SHANK2: variants seen among roughly 807,000 people sequenced by gnomAD.
SHANK2 encodes SH3 and multiple ankyrin repeat domains protein 2.
In SHANK2, 43 loss-of-function variants were observed where a neutral mutation model predicts 133.7. The observed-to-expected ratio is 0.32, with a 90% CI of 0.25 to 0.41. The LOEUF (loss-of-function observed/expected upper bound fraction) is 0.41, where lower values mean the gene tolerates loss of function less well. Ranked by LOEUF, SHANK2 falls within the 10% of genes least tolerant of loss-of-function variation. SHANK2 has a pLI of 1.00. For missense variants in SHANK2, 1,994 were observed against 2,235.8 expected (o/e 0.89, Z 2.18); for synonymous variants, 1,017 against 952.8 (o/e 1.07, Z -1.24).
intron 14 of SHANK2, among the ~76,000 whole-genome samples, chr11:70,712,431 A>G (rs943260811): frequency 1.3e-5 from 2 of 152,106 alleles, no homozygotes; most frequent in Non-Finnish European, 2.9e-5. Flanking sequence ...CATAACCACA[A>G]AGAGACCATC....
chr11:70,702,664 C>A lies in SHANK2; in HGVS notation c.1778-3901G>T, dbSNP rs144700419. Among the ~76,000 whole-genome samples, 684 of 152,326 alleles carry A rather than the reference C, an allele frequency of 4.5e-3. 1 individual carries two copies. Among genetic ancestry groups the A allele is most frequent in the Non-Finnish European group, 5.6e-3 (378 of 68,036 alleles). On this transcript the variant is annotated intron_variant, in intron 14 of 25. Transcript: ENST00000601538. ...AGCAGAAGACACATTTATCTACTGT[C>A]AAGTGTGGAATGCTCTGCTAAATTA...
At chr11:70,937,465 G>A (rs1026764156) in intron 10 of SHANK2, among the ~76,000 whole-genome samples, 10 of 152,160 alleles carry the variant, frequency 6.6e-5, no homozygotes, top group African/African-American at 1.7e-4. Context: ...AAGTGACATC[G>A]TCAGCCCCCT....
Position 71,094,614 on chromosome 11 carries a change from G to A in SHANK2, c.667C>T (p.His223Tyr), listed in dbSNP as rs1555094969. ...VIKALKNGGAHLDFRAKDGMT... is the reference protein window; with the variant it reads ...VIKALKNGGAYLDFRAKDGMT... Reference sequence around the variant, plus strand: ...CCATCTTTGGCACGGAAGTCCAGGTGAGCTCCACCATTTTTGAGAGCTTTG... The same window carrying A: ...CCATCTTTGGCACGGAAGTCCAGGTAAGCTCCACCATTTTTGAGAGCTTTG... The change falls in exon 7 of 26, where the codon CAC (histidine) becomes TAC (tyrosine). Residue 223 changes from histidine to tyrosine, a missense_variant. Coordinates refer to ENST00000601538, the MANE Select transcript of SHANK2 (RefSeq NM_012309.5). 1 of 1,551,712 alleles carries A rather than the reference G, an allele frequency of 6.4e-7. No homozygotes were observed.
chr11:70,929,184 C>G (rs1235768077), intron 10 of SHANK2, among the ~76,000 whole-genome samples: 1 of 152,230 alleles, frequency 6.6e-6, no homozygotes, highest in Non-Finnish European at 1.5e-5. Flanking sequence ...AAGGAAGCCT[C>G]TGCTTTTGCA....
At chr11:70,743,786 T>C (rs537805061) in intron 14 of SHANK2, among the ~76,000 whole-genome samples, 12 of 152,302 alleles carry the variant, frequency 7.9e-5, no homozygotes, top group Middle Eastern at 6.8e-3. Context: ...ACATTCCCTG[T>C]CCACCAATTC....
intron 17 of SHANK2, among the ~76,000 whole-genome samples, chr11:70,506,476 T>C (rs1243653737): frequency 6.6e-6 from 1 of 152,202 alleles, no homozygotes; most frequent in East Asian, 1.9e-4. Flanking sequence ...GAAACATCAC[T>C]TGGCCTTCTC....
In SHANK2 at chr11:71,095,795, C is replaced by T. The variant is rs553172899; in HGVS notation, c.593-1107G>A. ...CCCTAGGAACCACTCTGCAGCTTGG[C>T]ACTTCATGGTGATATGCACATGCTT... On this transcript the variant is annotated intron_variant, in intron 6 of 25. Transcript: ENST00000601538. 9.2e-5 allele frequency among the ~76,000 whole-genome samples: 14 copies of T among 152,336 alleles called. No individual in the cohort carries two copies. The East Asian group carries it at 1.4e-3, about 15-fold the overall frequency.
chr11:71,146,402 C>T (rs112797446), intron 3 of SHANK2, among the ~76,000 whole-genome samples: 2,906 of 138,290 alleles, frequency 0.021, 6 homozygotes, highest in African/African-American at 0.04. Flanking sequence ...CAAGATGAAG[C>T]CACACCCCTT....
intron 14 of SHANK2, among the ~76,000 whole-genome samples, chr11:70,699,617 G>C (rs569714188): frequency 3.4e-4 from 52 of 152,282 alleles, no homozygotes; most frequent in African/African-American, 1.2e-3. Flanking sequence ...CCCAAATTCT[G>C]AGGTGAAATC....
At chr11:70,510,021 T>C (rs2059182838) in intron 17 of SHANK2, among the ~76,000 whole-genome samples, 1 of 152,110 alleles carries the variant, frequency 6.6e-6, no homozygotes. Flanking sequence ...GCTGTTTCCG[T>C]CTCCCATCCC....
intron 17 of SHANK2, among the ~76,000 whole-genome samples, chr11:70,545,191 G>C (rs2059674806): frequency 6.6e-6 from 1 of 152,254 alleles, no homozygotes; most frequent in Non-Finnish European, 1.5e-5. Context: ...GGCTCCTGCA[G>C]TCCCTGGGCT....
At chr11:70,848,595 G>A (rs1360509448) in intron 11 of SHANK2, among the ~76,000 whole-genome samples, 1 of 152,322 alleles carries the variant, frequency 6.6e-6, no homozygotes, top group East Asian at 1.9e-4. Flanking sequence ...TACATTCTGA[G>A]GGTCCAGGAA....
chr11:70,480,428 C>A (rs958715145), intron 25 of SHANK2, among the ~76,000 whole-genome samples: 2 of 152,198 alleles, frequency 1.3e-5, no homozygotes, highest in African/African-American at 4.8e-5. Context: ...CTCTTCTGCA[C>A]GTGGTTATTT....
chr11:71,177,535 C>T (rs968840096), intron 2 of SHANK2, among the ~76,000 whole-genome samples: 6 of 151,794 alleles, frequency 4.0e-5, no homozygotes, highest in Non-Finnish European at 8.8e-5. Flanking sequence ...AAAGAGTAAT[C>T]GCAGATAAAC....
chr11:70,934,042 G>A (rs1950537540), intron 10 of SHANK2, among the ~76,000 whole-genome samples: 1 of 151,702 alleles, frequency 6.6e-6, no homozygotes, highest in Admixed American at 6.6e-5. Context: ...GACCAGCCTG[G>A]GCAACATGGC....
At chr11:70,683,028 C>T (rs1470742109) in intron 15 of SHANK2, among the ~76,000 whole-genome samples, 1 of 152,192 alleles carries the variant, frequency 6.6e-6, no homozygotes, top group Non-Finnish European at 1.5e-5. Context: ...CGCTGAGCCA[C>T]ATCCCCTGTA....
intron 14 of SHANK2, among the ~76,000 whole-genome samples, chr11:70,757,251 G>C (rs1197287254): frequency 1.3e-5 from 2 of 152,182 alleles, no homozygotes; most frequent in Non-Finnish European, 2.9e-5. Flanking sequence ...TTATGAGCTG[G>C]CTGACCTTGA....
intron 17 of SHANK2, among the ~76,000 whole-genome samples, chr11:70,581,053 G>C (rs2060178145): frequency 6.6e-6 from 1 of 152,178 alleles, no homozygotes. Context: ...CCACCAGGGA[G>C]GGGGGATGCC....
intron 2 of SHANK2, among the ~76,000 whole-genome samples, chr11:71,209,079 C>T (rs1212439595): frequency 2.0e-5 from 3 of 152,206 alleles, no homozygotes; most frequent in African/African-American, 7.2e-5. Context: ...GTCTAAGCCA[C>T]TGTGCTTCAA....
Sources: gnomAD v4.1 joint callset for allele counts (sites outside exome capture counted in the v4.1 genomes callset) on GRCh38, gnomAD v4.1.1 for gene constraint, MANE v1.5 for transcripts, NCBI Gene and HGNC (gene_info 2026-07-23, HGNC 2026-07-21) for gene names.